GAS6: variants seen among roughly 807,000 people sequenced by gnomAD.
GAS6 encodes the protein growth arrest specific 6.
A neutral mutation model predicts 75.8 loss-of-function variants in GAS6; 41 were observed. The ratio of observed to expected loss-of-function variants is 0.54; its 90% CI spans 0.42 to 0.70. The LOEUF is 0.70. Ranked by LOEUF, GAS6 falls within the 30% of genes least tolerant of loss-of-function variation. The pLI is 0.00. For missense variants in GAS6, 854 were observed against 940.2 expected (o/e 0.91, Z 1.20); for synonymous variants, 432 against 412.6 (o/e 1.05, Z -0.57).
At chr13:113,831,695 G>A (rs965644983) in intron 10 of GAS6, among the ~76,000 whole-genome samples, 1 of 152,102 alleles carries the variant, frequency 6.6e-6, no homozygotes, top group African/African-American at 2.4e-5. Flanking sequence ...ATAGCAGAGA[G>A]GCCTAGAGCA....
At chr13:113,852,081 G>A (rs181885120) in intron 2 of GAS6, among the ~76,000 whole-genome samples, 1 of 152,348 alleles carries the variant, frequency 6.6e-6, no homozygotes, top group Non-Finnish European at 1.5e-5. Context: ...GCAGGTGCTC[G>A]GCCTGTGCTC....
In GAS6 at chr13:113,821,036, A is replaced by G; in HGVS notation, c.1883-18T>C. 1 of 1,611,150 alleles carries G rather than the reference A, an allele frequency of 6.2e-7. No individual in the cohort carries two copies. The highest frequency in any genetic ancestry group is 8.5e-7 in the Non-Finnish European group (1 of 1,179,106). ...CGGCACATCTGGGCCGCAGGGAGAG[A>G]ACAACATATCTTAGCTCACCACGTG... On this transcript the variant is annotated intron_variant, in intron 14 of 14. Coordinates refer to ENST00000327773, the MANE Select transcript of GAS6 (RefSeq NM_000820.4).
rs555399764 is a variant in GAS6, at chr13:113,821,415, G to T, written c.1883-397C>A. 240 of 240,828 alleles carry T rather than the reference G, an allele frequency of 1.0e-3. 4 individuals carry two copies. The highest frequency in any genetic ancestry group is 9.7e-3 in the Middle Eastern group (6 of 620). The allele number at this position is 240,828 out of a possible 1,614,324, so 14.9% of individuals were successfully genotyped here. On this transcript the variant is annotated intron_variant, in intron 14 of 14. Transcript: ENST00000327773. ...CAAGAGAGAAATCCTGCCGTTTGCC[G>T]CAAGTGAAAACCTGCGGGCAGCCGA...
In GAS6 at chr13:113,832,282, G is replaced by A. The variant is rs2051638160; in HGVS notation, c.1143+17C>T. On this transcript the variant is annotated intron_variant, in intron 10 of 14. Coordinates refer to ENST00000327773, the MANE Select transcript of GAS6 (RefSeq NM_000820.4). ...GAACCCCGTGAGGCCTGGAAGGGGT[G>A]GCTGCCGCACACTCACTGTCTGCCA... The A allele has an allele frequency of 6.3e-7, 1 of 1,594,578 alleles. No individual in the cohort carries two copies. The highest frequency in any genetic ancestry group is 1.7e-5 in the Admixed American group (1 of 59,726).
intron 2 of GAS6, among the ~76,000 whole-genome samples, chr13:113,860,439 G>A (rs1204511141): frequency 6.6e-6 from 1 of 152,208 alleles, no homozygotes; most frequent in Non-Finnish European, 1.5e-5. Context: ...GGGCTGGGCT[G>A]GGATAAGTCT....
chr13:113,825,755 A>G (rs1421490218), intron 12 of GAS6, among the ~76,000 whole-genome samples: 1 of 152,252 alleles, frequency 6.6e-6, no homozygotes, highest in Non-Finnish European at 1.5e-5. Flanking sequence ...CAGTCAGTCC[A>G]GCCAGTGGCA....
intron 13 of GAS6, chr13:113,822,452 G>A (rs901115188): frequency 5.3e-6 from 2 of 376,368 alleles, no homozygotes; most frequent in African/African-American, 4.1e-5. Flanking sequence ...GGTGTGAGAG[G>A]GTCAACCCCA....
At chr13:113,839,896 C>A (rs752024876) in intron 4 of GAS6, 46 bp from the exon 5 acceptor site, 1 of 1,612,176 alleles carries the variant, frequency 6.2e-7, no homozygotes, top group African/African-American at 1.3e-5. Flanking sequence ...CTGCCCCACC[C>A]CTGCGCGCCC....
In GAS6 at chr13:113,848,050, C is replaced by T; in HGVS notation, c.256G>A (p.Asp86Asn). ...REVFENDPET[D>N]YFYPRYLDCI... The stretch of plus-strand genomic sequence containing the variant: ...CCTAAGTATCTTGGGTAAAAATAAT[C>T]CTGTGGAAAAAGAAAAAGAAAAGGC... Residue 86 changes from aspartate (D) to asparagine (N), a missense_variant and splice_region_variant, in exon 3 of 15, where the codon GAT becomes AAT. Asp to Asn is a conservative substitution (Grantham distance 23). Coordinates refer to ENST00000327773, the MANE Select transcript of GAS6 (RefSeq NM_000820.4). The surrounding 1 kb of genome is among the most constrained non-coding windows in gnomAD (Gnocchi z 4.8). 8 of 1,612,954 alleles carry T rather than the reference C, an allele frequency of 5.0e-6. No homozygotes were observed. Among genetic ancestry groups the T allele is most frequent in the Non-Finnish European group, 6.8e-6 (8 of 1,179,676 alleles).
At position 113,864,029 on chromosome 13, in the gene GAS6, CGCGGCGGCG is replaced by C. The variant is rs565797652; in HGVS notation, c.-118_-110del. The C allele has an allele frequency of 1.6e-4, 157 of 1,003,470 alleles. No individual in the cohort carries two copies. Among genetic ancestry groups the C allele is most frequent in the Admixed American group, 1.3e-3 (22 of 17,044 alleles). The allele number at this position is 1,003,470 out of a possible 1,614,324, so 62.2% of individuals were successfully genotyped here. A position where few individuals can be genotyped will look rare whatever the true frequency, so the allele number is the denominator to read the frequency against. ...GTCCTGGCGGCCCTGAAGGTCACATCGCGGCGGCGGCGGCGGCGGCGGCTGCGGCACCTC... is the reference window on the plus strand; with the variant it reads ...GTCCTGGCGGCCCTGAAGGTCACATCGCGGCGGCGGCGGCTGCGGCACCTC... On this transcript the variant is annotated 5_prime_UTR_variant, in exon 1 of 15. Coordinates refer to ENST00000327773, the MANE Select transcript of GAS6 (RefSeq NM_000820.4).
intron 10 of GAS6, among the ~76,000 whole-genome samples, chr13:113,831,660 G>C (rs2051631768): frequency 6.6e-6 from 1 of 152,132 alleles, no homozygotes; most frequent in Non-Finnish European, 1.5e-5. Flanking sequence ...CCCTTTCTGA[G>C]GGAGCCAGGC....
At chr13:113,823,592 G>A (rs750027416) in intron 12 of GAS6, 42 bp from the exon 13 acceptor site, 4 of 1,565,228 alleles carry the variant, frequency 2.6e-6, no homozygotes, top group Non-Finnish European at 3.5e-6. Context: ...ATGCACGGTG[G>A]AGAGGCCACA....
intron 14 of GAS6, chr13:113,821,661 G>C (rs529194348): frequency 4.9e-6 from 2 of 411,268 alleles, no homozygotes; most frequent in African/African-American, 2.0e-5. Flanking sequence ...CCTCTCCCCC[G>C]GGGCTGGTCT....
chr13:113,821,196 C>T (rs1030909544), intron 14 of GAS6, 178 bp from the exon 15 acceptor site: 1 of 649,506 alleles, frequency 1.5e-6, no homozygotes, highest in African/African-American at 1.8e-5. Flanking sequence ...GGCAGACAAG[C>T]AGGAGGCATC....
intron 13 of GAS6, chr13:113,822,448 A>G (rs767740084): frequency 5.9e-5 from 23 of 390,044 alleles, no homozygotes; most frequent in Non-Finnish European, 9.2e-5. Flanking sequence ...GTTGGGTGTG[A>G]GAGGGTCAAC....
intron 2 of GAS6, among the ~76,000 whole-genome samples, chr13:113,855,591 C>T (rs1468302455): frequency 3.3e-5 from 5 of 152,190 alleles, no homozygotes; most frequent in African/African-American, 7.2e-5. Context: ...AAAGATCCAA[C>T]GCGCAGGGGC....
chr13:113,829,340 G>C (rs2051597638), intron 10 of GAS6, among the ~76,000 whole-genome samples: 2 of 146,314 alleles, frequency 1.4e-5, no homozygotes, highest in Admixed American at 1.4e-4. Flanking sequence ...GAGACCACCT[G>C]ATCCTCACCT....
At chr13:113,861,994 C>T (rs1423252858) in intron 2 of GAS6, among the ~76,000 whole-genome samples, 2 of 152,166 alleles carry the variant, frequency 1.3e-5, no homozygotes, top group African/African-American at 4.8e-5. Context: ...ATGAACATGC[C>T]AGCACAGAAA....
intron 2 of GAS6, among the ~76,000 whole-genome samples, chr13:113,859,378 G>C (rs1045792286): frequency 6.6e-6 from 1 of 151,236 alleles, no homozygotes; most frequent in Admixed American, 6.6e-5. Flanking sequence ...CTATGTGAAT[G>C]TGTGCATGTA....
Sources: allele counts gnomAD v4.1 joint callset (sites outside exome capture counted in the v4.1 genomes callset), GRCh38; gene constraint gnomAD v4.1.1; non-coding constraint Gnocchi (gnomAD v3.1); transcripts MANE v1.5; gene names NCBI Gene and HGNC (gene_info 2026-07-23, HGNC 2026-07-21).